SH3GL3: variants seen among roughly 807,000 people sequenced by gnomAD.
SH3GL3 encodes endophilin-A3.
Under a neutral mutation model 47.7 loss-of-function variants are expected in SH3GL3, and 33 were observed. That is an observed-to-expected ratio of 0.69 (90% CI 0.52 to 0.92). The LOEUF (loss-of-function observed/expected upper bound fraction) is 0.92, where lower values mean the gene tolerates loss of function less well. Ranked by LOEUF, SH3GL3 falls within the 40% of genes least tolerant of loss-of-function variation. The probability of loss-of-function intolerance (pLI) is 0.00; values close to 1 mark genes in which losing one functional copy is unlikely to be tolerated. For missense variants in SH3GL3, 363 were observed against 417.8 expected (o/e 0.87, Z 1.14); for synonymous variants, 155 against 148.8 (o/e 1.04, Z -0.30).
chr15:83,630,825 C>T, the SH3GL3 span, among the ~76,000 whole-genome samples: 46 of 152,162 alleles, frequency 3.0e-4, no homozygotes, highest in South Asian at 2.1e-3. Flanking sequence ...CCCCTGGCCC[C>T]CTCCCAAATC....
At chr15:83,480,659 C>A (rs920016596) in intron 1 of SH3GL3, among the ~76,000 whole-genome samples, 1 of 152,168 alleles carries the variant, frequency 6.6e-6, no homozygotes, top group African/African-American at 2.4e-5. Context: ...AGAAAAACAC[C>A]AAAACATCTG....
chr15:83,556,230 T>C (rs577475809), intron 1 of SH3GL3, among the ~76,000 whole-genome samples: 52 of 152,380 alleles, frequency 3.4e-4, no homozygotes, highest in African/African-American at 1.2e-3. Context: ...CTGCACATAG[T>C]AGATGCTCAA....
intron 6 of SH3GL3, among the ~76,000 whole-genome samples, chr15:83,580,801 T>G (rs1325203484): frequency 1.3e-5 from 2 of 152,154 alleles, no homozygotes; most frequent in African/African-American, 4.8e-5. Flanking sequence ...GGAGCCTTGC[T>G]GGCCCCAACC....
At chr15:83,569,354 G>A (rs79794491) in intron 4 of SH3GL3, among the ~76,000 whole-genome samples, 359 of 152,102 alleles carry the variant, frequency 2.4e-3, no homozygotes, top group Admixed American at 7.5e-3. Flanking sequence ...GTTTTTAATG[G>A]CTACATAATA....
At chr15:83,466,607 T>C (rs1267367509) in intron 1 of SH3GL3, among the ~76,000 whole-genome samples, 3 of 152,176 alleles carry the variant, frequency 2.0e-5, no homozygotes, top group African/African-American at 4.8e-5. Flanking sequence ...CTGAATCTGT[T>C]TAGGTTTTTA....
chr15:83,479,323 G>T (rs907780922), intron 1 of SH3GL3, among the ~76,000 whole-genome samples: 14 of 151,358 alleles, frequency 9.2e-5, no homozygotes, highest in Non-Finnish European at 1.6e-4. Flanking sequence ...TAGAGGTAGA[G>T]CGTGTGCATG....
intron 8 of SH3GL3, among the ~76,000 whole-genome samples, chr15:83,614,130 C>A (rs1216994231): frequency 6.6e-6 from 1 of 152,208 alleles, no homozygotes. Context: ...CCCACCTGCC[C>A]ACCCATATAC....
At chr15:83,627,451 G>A in the SH3GL3 span, among the ~76,000 whole-genome samples, 1 of 151,944 alleles carries the variant, frequency 6.6e-6, no homozygotes, top group Admixed American at 6.6e-5. Flanking sequence ...TAGTAAAAAG[G>A]CTGTATTTCA....
chr15:83,539,637 G>A (rs1279025279), intron 1 of SH3GL3, among the ~76,000 whole-genome samples: 1 of 152,052 alleles, frequency 6.6e-6, no homozygotes, highest in African/African-American at 2.4e-5. Context: ...ATATTTGAAT[G>A]TGATTCTTTG....
At chr15:83,456,701 C>G (rs2039998448) in intron 1 of SH3GL3, among the ~76,000 whole-genome samples, 1 of 146,774 alleles carries the variant, frequency 6.8e-6, no homozygotes, top group African/African-American at 2.5e-5. Context: ...GGCCTGCGCC[C>G]ACTGTCTGGC....
chr15:83,478,961 C>G (rs11629958), intron 1 of SH3GL3, among the ~76,000 whole-genome samples: 46,805 of 152,182 alleles, frequency 0.31, 7,513 homozygotes, highest in Admixed American at 0.41. Flanking sequence ...TATAAACCAA[C>G]TGCCTTTAGA....
intron 1 of SH3GL3, among the ~76,000 whole-genome samples, chr15:83,531,684 T>A (rs1022626619): frequency 6.6e-6 from 1 of 152,178 alleles, no homozygotes; most frequent in Admixed American, 6.5e-5. Context: ...GAGGAAGAAT[T>A]TGAGGAGTCA....
chr15:83,594,000 G>A (rs370723195), intron 8 of SH3GL3, among the ~76,000 whole-genome samples: 6 of 152,096 alleles, frequency 3.9e-5, no homozygotes, highest in South Asian at 2.1e-4. Context: ...TGTATCTTTC[G>A]TAGAGATGAG....
chr15:83,511,493 A>C (rs2042747372), intron 1 of SH3GL3, among the ~76,000 whole-genome samples: 1 of 152,240 alleles, frequency 6.6e-6, no homozygotes, highest in Non-Finnish European at 1.5e-5. Context: ...TAGTATTAAA[A>C]GTTCCTTTTT....
chr15:83,625,829 GTTGT>G, the SH3GL3 span, among the ~76,000 whole-genome samples: 2 of 151,588 alleles, frequency 1.3e-5, no homozygotes, highest in South Asian at 2.1e-4. Flanking sequence ...TGTTGTTGTT[GTTGT>G]TTGTTTGTTT....
rs181994771 is a variant in SH3GL3 at position 83,604,584 on chromosome 15, C to T, written c.839-13498C>T. Among the ~76,000 whole-genome samples, 21 of 152,224 alleles carry T rather than the reference C, an allele frequency of 1.4e-4. No individual in the cohort carries two copies. The East Asian group carries it at 3.1e-3, about 22-fold the overall frequency. ...ACATAACTCATTTCATCCTCATAAC[C>T]GTACTCCAAGGAAGTGATAATAAAA... On this transcript the variant is annotated intron_variant, in intron 8 of 8. Transcript: ENST00000427482.
intron 1 of SH3GL3, among the ~76,000 whole-genome samples, chr15:83,547,058 TAA>T (rs1368993979): frequency 1.3e-5 from 2 of 152,162 alleles, no homozygotes; most frequent in African/African-American, 4.8e-5. Context: ...TCTCTATTAA[TAA>T]AGTTTCCTGG....
At chr15:83,568,476 C>A (rs116857571) in intron 3 of SH3GL3, 53 bp from the exon 4 acceptor site, 2 of 1,493,694 alleles carry the variant, frequency 1.3e-6, no homozygotes, top group Admixed American at 1.7e-5. Context: ...ATTCTATGTA[C>A]CTGTCACTCC....
chr15:83,518,028 T>C (rs902580139), intron 1 of SH3GL3, among the ~76,000 whole-genome samples: 1 of 152,212 alleles, frequency 6.6e-6, no homozygotes, highest in Non-Finnish European at 1.5e-5. Context: ...TGTGTTAACT[T>C]GCTTAAGATA....
Sources: gnomAD v4.1 joint callset for allele counts (sites outside exome capture counted in the v4.1 genomes callset) on GRCh38, gnomAD v4.1.1 for gene constraint, MANE v1.5 for transcripts, NCBI Gene and HGNC (gene_info 2026-07-23, HGNC 2026-07-21) for gene names.